OTOF: variants seen among roughly 807,000 people sequenced by gnomAD.
OTOF encodes fer-1-like family member 2.
A neutral mutation model predicts 236.8 loss-of-function variants in OTOF; 218 were observed. That is an observed-to-expected ratio of 0.92 (90% CI 0.82 to 1.03). The LOEUF (loss-of-function observed/expected upper bound fraction) is 1.03. Among genes scored for constraint, OTOF ranks in the 50% least tolerant of loss-of-function variants. The pLI, the probability that OTOF is intolerant of heterozygous loss-of-function variation, is 0.00. For synonymous variants in OTOF, 1,041 were observed against 1,072.5 expected (o/e 0.97, Z 0.57); for missense variants, 2,590 against 2,694.4 (o/e 0.96, Z 0.86).
In OTOF at chr2:26,470,489, G is replaced by T; in HGVS notation, c.4023+104C>A. ...AGACAAAACCATCCCAAACTCACAT[G>T]AATGGAGTTGGGATCCAGCTCTTGG... On this transcript the variant is annotated intron_variant, in intron 32 of 46. Transcript: ENST00000272371. This position sits in a 1 kb window ranked among gnomAD's most constrained non-coding sequence, Gnocchi z 4.3. 8.9e-7 allele frequency: 1 copy of T among 1,125,796 alleles called. No individual in the cohort carries two copies. The highest frequency in any genetic ancestry group is 1.4e-6 in the Non-Finnish European group (1 of 739,446). 69.7% of individuals were successfully genotyped at this position (1,125,796 alleles called of 1,614,324 possible). A position where few individuals can be genotyped will look rare whatever the true frequency, so the allele number is the denominator to read the frequency against.
At chr2:26,534,524 A>G (rs1296007437) in intron 2 of OTOF, among the ~76,000 whole-genome samples, 2 of 151,784 alleles carry the variant, frequency 1.3e-5, no homozygotes, top group African/African-American at 4.8e-5. Flanking sequence ...CCTCCTCCCC[A>G]CTCAGGTTCC....
intron 22 of OTOF, 112 bp downstream of exon 22, chr2:26,476,779 A>G (rs561732592): frequency 2.4e-6 from 2 of 817,624 alleles, no homozygotes; most frequent in Admixed American, 3.7e-5. Context: ...CTCTTCTCTG[A>G]GCACCTGCTG....
intron 1 of OTOF, among the ~76,000 whole-genome samples, chr2:26,544,921 G>A (rs1667294337): frequency 6.6e-6 from 1 of 151,704 alleles, no homozygotes; most frequent in Non-Finnish European, 1.5e-5. Flanking sequence ...CGAACCTGTA[G>A]TCCCAGCTAC....
At chr2:26,530,471 C>T (rs373560712) in intron 2 of OTOF, among the ~76,000 whole-genome samples, 21 of 152,230 alleles carry the variant, frequency 1.4e-4, no homozygotes, top group African/African-American at 4.6e-4. Context: ...CCTATGTCAG[C>T]GGGGAATGTT....
intron 1 of OTOF, among the ~76,000 whole-genome samples, chr2:26,542,594 G>C (rs749861989): frequency 1.3e-5 from 2 of 152,228 alleles, no homozygotes; most frequent in Non-Finnish European, 2.9e-5. Context: ...GATATTCAGA[G>C]AGACTGGGAA....
chr2:26,465,018 T>C lies in OTOF; in HGVS notation c.4811A>G (p.Asn1604Ser), dbSNP rs1449836933. The C allele has an allele frequency of 6.8e-7, 1 of 1,481,008 alleles. No homozygotes were observed. The highest frequency in any genetic ancestry group is 2.1e-5 in the Admixed American group (1 of 47,392). 91.7% of individuals were successfully genotyped at this position (1,481,008 alleles called of 1,614,324 possible). The change falls in exon 39 of 47, where the codon AAT becomes AGT. Residue 1604 changes from asparagine (N) to serine (S), a missense_variant. Physicochemically the swap from Asn to Ser is conservative, Grantham distance 46. Around this residue, in one of 2 missense-constraint regions of OTOF, gnomAD observed 1,211 missense variants for 1,352.8 expected, o/e 0.90. Coordinates refer to ENST00000272371, the MANE Select transcript of OTOF (RefSeq NM_194248.3). ...GGGCTTCATGGGGTCCCGCCAGATA[T>C]TGTAGCCATGTCTGTGGGAGGGGAC... ...IAQTYSTHGY[N>S]IWRDPMKPSQ...
Position 26,558,633 on chromosome 2 carries a change from C to T in OTOF, c.-62G>A, listed in dbSNP as rs2148144344. On this transcript the variant is annotated 5_prime_UTR_variant, in exon 1 of 47. Transcript: ENST00000272371. Reference sequence around the variant, plus strand: ...AGCGGGAAGGAGCTAGCCGGTGGAGCACGGCTCACACGCCTCTCTCTTCTC... The same window carrying T: ...AGCGGGAAGGAGCTAGCCGGTGGAGTACGGCTCACACGCCTCTCTCTTCTC... 1 of 1,319,080 alleles carries T rather than the reference C, an allele frequency of 7.6e-7. No homozygotes were observed. The highest frequency in any genetic ancestry group is 1.1e-6 in the Non-Finnish European group (1 of 913,612). 81.7% of individuals were successfully genotyped at this position (1,319,080 alleles called of 1,614,324 possible). A position where few individuals can be genotyped will look rare whatever the true frequency, so the allele number is the denominator to read the frequency against.
At chr2:26,554,362 G>T (rs1183870014) in intron 1 of OTOF, among the ~76,000 whole-genome samples, 1 of 152,038 alleles carries the variant, frequency 6.6e-6, no homozygotes, top group Non-Finnish European at 1.5e-5. Context: ...GAGCCAAAGA[G>T]TGACAGTGCC....
At position 26,477,491 on chromosome 2, in the gene OTOF, G is replaced by T; in HGVS notation, c.2331C>A (p.Leu777=). Residue 777 remains leucine (L), a synonymous_variant, in exon 20 of 47, where the codon CTC becomes CTA. Transcript: ENST00000272371. This position sits in a 1 kb window ranked among gnomAD's most constrained non-coding sequence, Gnocchi z 4.7. Reference sequence around the variant, plus strand: ...ATGAGTGGCCCTGGTCCTTGTCAGCGAGGGAGAGGAAGCGGCTGGGGGTAG... The same window carrying T: ...ATGAGTGGCCCTGGTCCTTGTCAGCTAGGGAGAGGAAGCGGCTGGGGGTAG... The part of the protein sequence containing the change: ...LSCGCCRFLS[L]ADKDQGHSSR... The T allele has an allele frequency of 6.2e-7, 1 of 1,603,738 alleles. No individual in the cohort carries two copies. The highest frequency in any genetic ancestry group is 8.5e-7 in the Non-Finnish European group (1 of 1,175,938).
At chr2:26,472,105 G>T (rs1171327369) in intron 30 of OTOF, among the ~76,000 whole-genome samples, 1 of 149,794 alleles carries the variant, frequency 6.7e-6, no homozygotes, top group Non-Finnish European at 1.5e-5. Context: ...ACACATGCAT[G>T]CACATGTGCA....
rs1258131104 is a variant in OTOF, at chr2:26,519,098, G to A, written c.239C>T (p.Thr80Ile). ...SKVFSNKLIG[T>I]FRMVLQKVVE... ...CACCTTCTGCAGCACCATGCGGAAG[G>A]TCCCGATGAGCCTGGGGATGGCAGA... Residue 80 changes from threonine (T) to isoleucine (I), a missense_variant, in exon 4 of 47, where the codon ACC (threonine) becomes ATC (isoleucine). Thr to Ile is a moderately conservative substitution (Grantham distance 89, BLOSUM62 -1). Around this residue, in one of 2 missense-constraint regions of OTOF, gnomAD observed 1,379 missense variants for 1,341.6 expected, o/e 1.03. Coordinates refer to ENST00000272371, the MANE Select transcript of OTOF (RefSeq NM_194248.3). The A allele has an allele frequency of 1.9e-6, 3 of 1,598,830 alleles. No homozygotes were observed. The highest frequency in any genetic ancestry group is 2.6e-6 in the Non-Finnish European group (3 of 1,170,064).
chr2:26,515,636 A>G (rs1666504859), intron 5 of OTOF, among the ~76,000 whole-genome samples: 1 of 152,204 alleles, frequency 6.6e-6, no homozygotes, highest in South Asian at 2.1e-4. Context: ...ATATGTTTCC[A>G]GTGGCACGGA....
chr2:26,484,330 G>C, intron 12 of OTOF, 144 bp downstream of exon 12: 1 of 857,678 alleles, frequency 1.2e-6, no homozygotes, highest in Non-Finnish European at 1.9e-6. Flanking sequence ...CCCTGCCTCG[G>C]AAGAGTGGGG....
rs564355706 is a variant in OTOF at position 26,460,784 on chromosome 2, G to A, written c.5713-37C>T. ...AGACAGGTCCCAGCGTCCAGGCTGCGTGCTGGGCCCTTGGCACCCCAGCCA... is the reference window on the plus strand; with the variant it reads ...AGACAGGTCCCAGCGTCCAGGCTGCATGCTGGGCCCTTGGCACCCCAGCCA... On this transcript the variant is annotated intron_variant, in intron 44 of 46. Coordinates refer to ENST00000272371, the MANE Select transcript of OTOF (RefSeq NM_194248.3). The surrounding 1 kb of genome is among the most constrained non-coding windows in gnomAD (Gnocchi z 5.3). The A allele has an allele frequency of 9.2e-5, 148 of 1,612,328 alleles. No individual in the cohort carries two copies. Among genetic ancestry groups the A allele is most frequent in the Middle Eastern group, 1.7e-4 (1 of 6,058 alleles).
chr2:26,500,900 C>T (rs1666100960), intron 8 of OTOF, among the ~76,000 whole-genome samples: 1 of 152,144 alleles, frequency 6.6e-6, no homozygotes, highest in East Asian at 1.9e-4. Context: ...CACTCTGATT[C>T]TGGGGCCTGG....
chr2:26,467,416 G>A lies in OTOF; in HGVS notation c.4176C>T (p.Gly1392=), dbSNP rs1664785385. The part of the protein sequence containing the change: ...KKKKTQSSGS[G]QGSEAPEKKK... ...TCTTCTCGGGGGCCTCGGACCCCTG[G>A]CCAGAGCCAGAGCTCTGAGTTTTCT... Residue 1392 remains glycine, a synonymous_variant, in exon 34 of 47, where the codon GGC becomes GGT. Coordinates refer to ENST00000272371, the MANE Select transcript of OTOF (RefSeq NM_194248.3). 6.2e-7 allele frequency: 1 copy of A among 1,613,874 alleles called. No homozygotes were observed. Among genetic ancestry groups the A allele is most frequent in the Non-Finnish European group, 8.5e-7 (1 of 1,179,966 alleles).
rs536570476 is a variant in OTOF, at chr2:26,467,034, G to C, written c.4362+65C>G. 4.0e-3 allele frequency: 6,326 copies of C among 1,589,352 alleles called. 26 individuals carry two copies. Among genetic ancestry groups the C allele is most frequent in the Non-Finnish European group, 4.8e-3 (5,683 of 1,173,810 alleles). The stretch of plus-strand genomic sequence containing the variant: ...CCGGGGCAGTGGTGGGAGGTGAGTG[G>C]GGGAACCTGTGGGGGGGGCAAGGGC... On this transcript the variant is annotated intron_variant, in intron 35 of 46. Coordinates refer to ENST00000272371, the MANE Select transcript of OTOF (RefSeq NM_194248.3).
At chr2:26,508,311 A>T (rs1180800282) in intron 5 of OTOF, among the ~76,000 whole-genome samples, 1 of 152,176 alleles carries the variant, frequency 6.6e-6, no homozygotes, top group Non-Finnish European at 1.5e-5. Flanking sequence ...TATTTTAAAA[A>T]TTTTCCATGC....
Position 26,462,073 on chromosome 2 carries a change from G to A in OTOF, c.5291+10C>T. 2 of 1,603,098 alleles carry A rather than the reference G, an allele frequency of 1.2e-6. No homozygotes were observed. The highest frequency in any genetic ancestry group is 1.7e-6 in the Non-Finnish European group (2 of 1,170,686). The stretch of plus-strand genomic sequence containing the variant: ...GCTCAGTCCCTCCCATGCAGGGACT[G>A]CTCACCCACCCCCTCACGAAGATGT... On this transcript the variant is annotated intron_variant, in intron 42 of 46. Coordinates refer to ENST00000272371, the MANE Select transcript of OTOF (RefSeq NM_194248.3). This position sits in a 1 kb window ranked among gnomAD's most constrained non-coding sequence, Gnocchi z 4.7.
Sources: allele counts gnomAD v4.1 joint callset (sites outside exome capture counted in the v4.1 genomes callset), GRCh38; gene constraint gnomAD v4.1.1; regional missense constraint gnomAD v4.1.1; non-coding constraint Gnocchi (gnomAD v3.1); transcripts MANE v1.5; gene names NCBI Gene and HGNC (gene_info 2026-07-23, HGNC 2026-07-21).